Variants in MTREX observed in about 807,000 individuals in gnomAD.
MTREX encodes Mtr4 exosome RNA helicase, also known as exosome RNA helicase MTR4.
MTREX carries 76 observed loss-of-function variants against 135.4 expected under a neutral mutation model. That is an observed-to-expected ratio of 0.56 (90% CI 0.47 to 0.68). The LOEUF is 0.68. Ranked by LOEUF, MTREX falls within the 30% of genes least tolerant of loss-of-function variation. The pLI, the probability that MTREX is intolerant of heterozygous loss-of-function variation, is 0.00. For missense variants in MTREX, 920 were observed against 1,262.1 expected, an observed-to-expected ratio of 0.73 and a Z score of 4.11; for synonymous variants, 404 against 401.6, an observed-to-expected ratio of 1.01 and a Z score of -0.07.
chr5:55,315,733 T>G (rs113338116), intron 1 of MTREX, among the ~76,000 whole-genome samples: 4 of 152,180 alleles, frequency 2.6e-5, no homozygotes, highest in African/African-American at 9.6e-5. Flanking sequence ...ATAGTCTGTA[T>G]TTATACTTAT....
In MTREX at chr5:55,340,057, C is replaced by A; in HGVS notation, c.563C>A (p.Thr188Asn). ...ALREKQRVIF[T>N]SPIKALSNQK... Reference sequence around the variant, plus strand: ...AGGGAAAAGCAGCGTGTAATATTTACCAGCCCAATTAAGGCTCTGAGTAAC... The same window carrying A: ...AGGGAAAAGCAGCGTGTAATATTTAACAGCCCAATTAAGGCTCTGAGTAAC... Residue 188 changes from threonine to asparagine, a missense_variant, in exon 6 of 27, where the codon ACC becomes AAC. Around this residue, in one of 6 missense-constraint regions of MTREX, gnomAD observed 82 missense variants for 107.4 expected, o/e 0.76. Coordinates refer to ENST00000230640, the MANE Select transcript of MTREX (RefSeq NM_015360.5). The A allele has an allele frequency of 6.3e-7, 1 of 1,593,870 alleles. No homozygotes were observed. The highest frequency in any genetic ancestry group is 8.5e-7 in the Non-Finnish European group (1 of 1,170,808).
chr5:55,342,131 A>G (rs1749659385), intron 7 of MTREX, among the ~76,000 whole-genome samples: 1 of 152,090 alleles, frequency 6.6e-6, no homozygotes, highest in South Asian at 2.1e-4. Context: ...GCAGGTCTTG[A>G]ACTCCTGGAC....
chr5:55,325,037 T>G (rs1231509809), intron 3 of MTREX, among the ~76,000 whole-genome samples: 6 of 152,144 alleles, frequency 3.9e-5, no homozygotes, highest in African/African-American at 9.7e-5. Context: ...CTTGTATCCA[T>G]TTAGAAGTGA....
Position 55,424,983 on chromosome 5 carries a change from G to T in MTREX, c.*211G>T. ...TAAAAATGTATACAGGTGGGGCACT[G>T]TTTTGGTGGAAGGCTTGGAGTTTTT... On this transcript the variant is annotated 3_prime_UTR_variant, in exon 27 of 27. Coordinates refer to ENST00000230640, the MANE Select transcript of MTREX (RefSeq NM_015360.5). 1 of 671,324 alleles carries T rather than the reference G, an allele frequency of 1.5e-6. No homozygotes were observed. Among genetic ancestry groups the T allele is most frequent in the Non-Finnish European group, 2.4e-6 (1 of 408,506 alleles). The allele number at this position is 671,324 out of a possible 1,614,324, so 41.6% of individuals were successfully genotyped here.
chr5:55,366,582 A>C (rs1354190234), intron 15 of MTREX, 143 bp from the exon 16 acceptor site: 1 of 550,880 alleles, frequency 1.8e-6, no homozygotes, highest in Admixed American at 4.2e-5. Context: ...GTTTTATTTT[A>C]TATTGGTTAA....
At position 55,416,016 on chromosome 5, in the gene MTREX, A is replaced by C; in HGVS notation, c.2855A>C (p.Glu952Ala). 6.3e-7 allele frequency: 1 copy of C among 1,599,282 alleles called. No individual in the cohort carries two copies. Among genetic ancestry groups the C allele is most frequent in the Non-Finnish European group, 8.5e-7 (1 of 1,175,056 alleles). ...IAKVSAEAKLEIDEETYLSSF... is the reference protein window; with the variant it reads ...IAKVSAEAKLAIDEETYLSSF... ...AAAGTTTCAGCAGAAGCCAAATTGG[A>C]AATTGATGAGGAAACTTATCTAAGC... The change falls in exon 25 of 27, where the codon GAA (glutamate) becomes GCA (alanine). Residue 952 changes from glutamate (E) to alanine (A), a missense_variant. Physicochemically the swap from Glu to Ala is moderately radical, Grantham distance 107. Around this residue, in one of 6 missense-constraint regions of MTREX, gnomAD observed 467 missense variants for 589.7 expected, o/e 0.79. Coordinates refer to ENST00000230640, the MANE Select transcript of MTREX (RefSeq NM_015360.5).
chr5:55,350,724 A>C lies in MTREX; in HGVS notation c.1321-195A>C, dbSNP rs577107183. On this transcript the variant is annotated intron_variant, in intron 12 of 26. Transcript: ENST00000230640. ...AGTATACTTACTATATGCCTTTCCT[A>C]TGAGCTTGGCCAGAATTATATTGAA... Among the ~76,000 whole-genome samples, 28 of 152,348 alleles carry C rather than the reference A, an allele frequency of 1.8e-4. No homozygotes were observed. The South Asian group carries it at 5.6e-3, about 30-fold the overall frequency.
At chr5:55,421,428 TTTGC>T (rs2111633572) in intron 25 of MTREX, among the ~76,000 whole-genome samples, 1 of 152,336 alleles carries the variant, frequency 6.6e-6, no homozygotes, top group African/African-American at 2.4e-5. Flanking sequence ...ACTGGCCTAA[TTTGC>T]TTGTTACCTG....
chr5:55,423,656 A>G (rs1469867698), intron 26 of MTREX: 2 of 152,190 alleles, frequency 1.3e-5, no homozygotes, highest in African/African-American at 4.8e-5. Context: ...AAGTCTGTAG[A>G]GTAGCACAGT....
chr5:55,355,315 A>T (rs1478803603), intron 14 of MTREX, among the ~76,000 whole-genome samples: 1 of 152,180 alleles, frequency 6.6e-6, no homozygotes, highest in Non-Finnish European at 1.5e-5. Flanking sequence ...TATGGGCCAT[A>T]TCAAAGGATT....
intron 10 of MTREX, among the ~76,000 whole-genome samples, chr5:55,346,669 T>A (rs1352133290): frequency 6.6e-6 from 1 of 152,182 alleles, no homozygotes; most frequent in Non-Finnish European, 1.5e-5. Context: ...TTTATTGTTG[T>A]TGTTGAATTA....
intron 26 of MTREX, chr5:55,423,354 A>C: frequency 5.4e-6 from 1 of 184,354 alleles, no homozygotes; most frequent in Non-Finnish European, 1.1e-5. Flanking sequence ...AACAAAGCAG[A>C]AAAGACAATA....
chr5:55,402,658 A>G lies in MTREX; in HGVS notation c.2481+2237A>G, dbSNP rs747163382. ...ACTATGATTACTATTTAGCAAAAAT[A>G]TAAAATACACCAGAAAAGACTGAAA... On this transcript the variant is annotated intron_variant, in intron 21 of 26. Coordinates refer to ENST00000230640, the MANE Select transcript of MTREX (RefSeq NM_015360.5). Among the ~76,000 whole-genome samples the G allele has an allele frequency of 3.9e-5, 6 of 152,172 alleles. No individual in the cohort carries two copies. The South Asian group carries it at 1.2e-3, about 32-fold the overall frequency.
rs909848887 is a variant in MTREX at position 55,361,728 on chromosome 5, G to T, written c.1659+3030G>T. 4.0e-5 allele frequency among the ~76,000 whole-genome samples: 6 copies of T among 151,490 alleles called. No homozygotes were observed. In the East Asian group the frequency reaches 9.7e-4, roughly 25 times the overall value. On this transcript the variant is annotated intron_variant, in intron 15 of 26. Coordinates refer to ENST00000230640, the MANE Select transcript of MTREX (RefSeq NM_015360.5). ...CTGCCTCGGCCCCCCAGAGTGCTGG[G>T]ATTACAGGCGTGAGCCACTGCATCC...
intron 23 of MTREX, among the ~76,000 whole-genome samples, chr5:55,412,853 G>T (rs1184645416): frequency 1.3e-5 from 2 of 152,092 alleles, no homozygotes; most frequent in African/African-American, 4.8e-5. Context: ...AAACTGAGAT[G>T]TTAAGGTCAT....
chr5:55,319,013 G>A (rs906215540), intron 1 of MTREX, among the ~76,000 whole-genome samples: 1 of 151,926 alleles, frequency 6.6e-6, no homozygotes, highest in Admixed American at 6.6e-5. Flanking sequence ...ACTTTACCAC[G>A]TTTACTTTAT....
chr5:55,338,913 G>T (rs866118420), intron 5 of MTREX, among the ~76,000 whole-genome samples: 3 of 148,300 alleles, frequency 2.0e-5, no homozygotes, highest in African/African-American at 5.0e-5. Context: ...TCTTCAGCCT[G>T]CCAAGTAGCT....
intron 15 of MTREX, among the ~76,000 whole-genome samples, chr5:55,360,957 T>C (rs1430176067): frequency 1.3e-5 from 2 of 152,246 alleles, no homozygotes; most frequent in Non-Finnish European, 2.9e-5. Flanking sequence ...AGAGCTATGT[T>C]GTTGTTAAAT....
chr5:55,401,872 C>G (rs1365291686), intron 21 of MTREX, among the ~76,000 whole-genome samples: 1 of 152,100 alleles, frequency 6.6e-6, no homozygotes, highest in Non-Finnish European at 1.5e-5. Context: ...CTCCTTTCCT[C>G]CATGAAACTT....
Sources: allele counts gnomAD v4.1 joint callset (sites outside exome capture counted in the v4.1 genomes callset), GRCh38; gene constraint gnomAD v4.1.1; regional missense constraint gnomAD v4.1.1; transcripts MANE v1.5; gene names NCBI Gene and HGNC (gene_info 2026-07-23, HGNC 2026-07-21).